VRK3: variants seen among roughly 807,000 people sequenced by gnomAD.
VRK3 encodes VRK serine/threonine kinase 3.
Under a neutral mutation model 60.4 loss-of-function variants are expected in VRK3, and 50 were observed. The ratio of observed to expected loss-of-function variants is 0.83; its 90% CI spans 0.66 to 1.05. The LOEUF is 1.05. Ranked by LOEUF, VRK3 falls within the 50% of genes least tolerant of loss-of-function variation. The pLI, the probability that VRK3 is intolerant of heterozygous loss-of-function variation, is 0.00. For missense variants in VRK3, 549 were observed against 585.3 expected, an observed-to-expected ratio of 0.94 and a Z score of 0.64; for synonymous variants, 246 against 227.8, an observed-to-expected ratio of 1.08 and a Z score of -0.72.
chr19:50,009,372 C>T lies in VRK3; in HGVS notation c.153G>A (p.Gly51=), dbSNP rs773532565. 8 of 1,613,560 alleles carry T rather than the reference C, an allele frequency of 5.0e-6. No homozygotes were observed. The Admixed American group carries it at 6.7e-5, about 13-fold the overall frequency. The change falls in exon 4 of 15, where the codon GGG becomes GGA. Residue 51 remains glycine (G), a synonymous_variant. Coordinates refer to ENST00000316763, the MANE Select transcript of VRK3 (RefSeq NM_016440.4). ...GAGAGGTTTCAAAACTGGAGTTCAG[C>T]CCTCTCTTTGAGCCTAAAGAAAGGC... ...HVSSFQGSKR[G]LNSSFETSPK...
chr19:50,006,309 C>CA (rs966418851), intron 5 of VRK3, among the ~76,000 whole-genome samples: 3 of 143,078 alleles, frequency 2.1e-5, no homozygotes, highest in African/African-American at 8.8e-5. Flanking sequence ...GACTCTCTCT[C>CA]AAAAAAATAA....
chr19:50,018,605 G>C (rs2077113430), intron 2 of VRK3, among the ~76,000 whole-genome samples: 1 of 152,206 alleles, frequency 6.6e-6, no homozygotes, highest in African/African-American at 2.4e-5. Flanking sequence ...TGTTGGTCAA[G>C]TATCTTTTAC....
At chr19:49,982,980 T>C (rs1177350012) in intron 12 of VRK3, among the ~76,000 whole-genome samples, 2 of 151,968 alleles carry the variant, frequency 1.3e-5, no homozygotes, top group Non-Finnish European at 2.9e-5. Context: ...CAACTCTCTC[T>C]GCCCCATGTC....
intron 12 of VRK3, among the ~76,000 whole-genome samples, chr19:49,985,286 T>G (rs1315283102): frequency 6.6e-6 from 1 of 152,154 alleles, no homozygotes. Context: ...CTGTTAAAGC[T>G]AGAGAGTAAG....
intron 5 of VRK3, among the ~76,000 whole-genome samples, chr19:50,003,856 T>C (rs73935136): frequency 0.052 from 7,981 of 152,290 alleles, 694 homozygotes; most frequent in African/African-American, 0.18. Flanking sequence ...CTCCCTGCAC[T>C]GTCTGTGCTG....
intron 2 of VRK3, among the ~76,000 whole-genome samples, chr19:50,020,287 C>T (rs28687150): frequency 0.053 from 8,105 of 152,160 alleles, 712 homozygotes; most frequent in African/African-American, 0.19. Flanking sequence ...GTGATCCACC[C>T]GCCTCAGCCT....
At chr19:49,980,823 G>T in intron 13 of VRK3, 132 bp downstream of exon 13, 2 of 715,512 alleles carry the variant, frequency 2.8e-6, no homozygotes, top group South Asian at 1.9e-5. Flanking sequence ...TTCTACAATG[G>T]GTACGTATTA....
At chr19:50,015,979 A>G in intron 3 of VRK3, 45 bp downstream of exon 3, 11 of 1,613,396 alleles carry the variant, frequency 6.8e-6, no homozygotes, top group Non-Finnish European at 9.3e-6. Flanking sequence ...ACGTGTATGC[A>G]CCTTATTCCC....
At chr19:50,010,463 G>A (rs2076975975) in intron 3 of VRK3, among the ~76,000 whole-genome samples, 1 of 152,168 alleles carries the variant, frequency 6.6e-6, no homozygotes, top group Non-Finnish European at 1.5e-5. Context: ...GTCTTTAAAG[G>A]ATGTTTTCCA....
At chr19:50,004,991 G>A (rs1050906605) in intron 5 of VRK3, among the ~76,000 whole-genome samples, 1 of 141,854 alleles carries the variant, frequency 7.0e-6, no homozygotes, top group Non-Finnish European at 1.5e-5. Context: ...GCTTGGTCTT[G>A]GTCACACTCT....
chr19:49,998,131 A>C (rs906381499), intron 6 of VRK3: 3 of 152,230 alleles, frequency 2.0e-5, no homozygotes, highest in Non-Finnish European at 4.4e-5. Context: ...CTGACTTTTA[A>C]ATGAAAAAGC....
Position 49,998,847 on chromosome 19 carries a change from T to G in VRK3, c.613-1277A>C, listed in dbSNP as rs900784367. On this transcript the variant is annotated intron_variant, in intron 6 of 14. Coordinates refer to ENST00000316763, the MANE Select transcript of VRK3 (RefSeq NM_016440.4). Reference sequence around the variant, plus strand: ...CCAAAGAAAACCAAAAGGCTGGGTGTGATGGCTCATGCCTATAATCCCAGC... The same window carrying G: ...CCAAAGAAAACCAAAAGGCTGGGTGGGATGGCTCATGCCTATAATCCCAGC... The G allele has an allele frequency of 3.4e-5, 5 of 147,332 alleles. No homozygotes were observed. In the East Asian group the frequency reaches 1.0e-3, roughly 30 times the overall value. 9.1% of individuals were successfully genotyped at this position (147,332 alleles called of 1,614,324 possible). A position where few individuals can be genotyped will look rare whatever the true frequency, so the allele number is the denominator to read the frequency against.
chr19:50,020,697 T>C (rs1464142727), intron 1 of VRK3, 50 bp from the exon 2 acceptor site: 1 of 152,216 alleles, frequency 6.6e-6, no homozygotes, highest in Non-Finnish European at 1.5e-5. Flanking sequence ...CACATAGAAA[T>C]GAAAGATAAT....
intron 2 of VRK3, among the ~76,000 whole-genome samples, chr19:50,018,065 G>C (rs1190875006): frequency 6.6e-6 from 1 of 152,204 alleles, no homozygotes; most frequent in Admixed American, 6.5e-5. Flanking sequence ...TTTGGCCCCA[G>C]GCTGCCAGAT....
chr19:50,014,541 C>A (rs2077043933), intron 3 of VRK3, among the ~76,000 whole-genome samples: 1 of 148,994 alleles, frequency 6.7e-6, no homozygotes, highest in South Asian at 2.1e-4. Context: ...TGCGCCACTG[C>A]ACCCCAGCCT....
At chr19:50,022,637 A>G (rs554621376) in intron 1 of VRK3, among the ~76,000 whole-genome samples, 5 of 151,826 alleles carry the variant, frequency 3.3e-5, no homozygotes, top group South Asian at 4.2e-4. Flanking sequence ...AAAGTACAAA[A>G]AAAAAAATCA....
At chr19:50,011,681 C>T (rs2076997953) in intron 3 of VRK3, among the ~76,000 whole-genome samples, 1 of 151,796 alleles carries the variant, frequency 6.6e-6, no homozygotes, top group Non-Finnish European at 1.5e-5. Context: ...AAACTCCCTC[C>T]CGTGGTCCTG....
At chr19:50,007,899 C>G in intron 4 of VRK3, 73 bp from the exon 5 acceptor site, 2 of 1,584,066 alleles carry the variant, frequency 1.3e-6, no homozygotes, top group Non-Finnish European at 1.7e-6. Flanking sequence ...TGAAACAGCA[C>G]GCAAAATACT....
At chr19:49,980,077 A>AAAAT (rs149213678) in intron 13 of VRK3, among the ~76,000 whole-genome samples, 7,996 of 151,974 alleles carry the variant, frequency 0.053, 692 homozygotes, top group African/African-American at 0.18. Context: ...AAATTTTAAA[A>AAAAT]AAATAAATAA....
Sources: gnomAD v4.1 joint callset for allele counts (sites outside exome capture counted in the v4.1 genomes callset) on GRCh38, gnomAD v4.1.1 for gene constraint, MANE v1.5 for transcripts, NCBI Gene and HGNC (gene_info 2026-07-23, HGNC 2026-07-21) for gene names.